ANO3: variants seen among roughly 807,000 people sequenced by gnomAD.
The protein encoded by ANO3 is anoctamin-3.
In ANO3, 99 loss-of-function variants were observed where a neutral mutation model predicts 144.8. The observed-to-expected ratio is 0.68, with a 90% CI of 0.58 to 0.81. The LOEUF is 0.81. Ranked by LOEUF, ANO3 falls within the 30% of genes least tolerant of loss-of-function variation. The probability of loss-of-function intolerance (pLI) is 0.00; values close to 1 mark genes in which losing one functional copy is unlikely to be tolerated. For missense variants in ANO3, 905 were observed against 1,202.2 expected (o/e 0.75, Z 3.66); for synonymous variants, 414 against 392.6 (o/e 1.05, Z -0.64).
intron 1 of ANO3, among the ~76,000 whole-genome samples, chr11:26,229,552 AC>A (rs1280782991): frequency 6.6e-6 from 1 of 152,004 alleles, no homozygotes; most frequent in Non-Finnish European, 1.5e-5. Flanking sequence ...TGGGAAGGCA[AC>A]CCCCTTTCAT....
intron 14 of ANO3, among the ~76,000 whole-genome samples, chr11:26,592,405 G>A (rs976172692): frequency 8.6e-5 from 13 of 151,900 alleles, no homozygotes; most frequent in East Asian, 5.8e-4. Flanking sequence ...TGAAAGCGGT[G>A]CCATTGACAC....
chr11:26,493,662 A>G (rs1222947929), intron 4 of ANO3, among the ~76,000 whole-genome samples: 1 of 152,214 alleles, frequency 6.6e-6, no homozygotes, highest in Non-Finnish European at 1.5e-5. Flanking sequence ...TGCAGCTCTT[A>G]CATGCTAGGA....
intron 3 of ANO3, among the ~76,000 whole-genome samples, chr11:26,449,487 T>TCA (rs765372417): frequency 1.8e-3 from 51 of 28,140 alleles, no homozygotes; most frequent in African/African-American, 3.7e-3. Flanking sequence ...TCTCTCTCTC[T>TCA]CACACACACA....
At chr11:26,562,843 AT>A (rs1232921468) in intron 14 of ANO3, among the ~76,000 whole-genome samples, 2 of 151,868 alleles carry the variant, frequency 1.3e-5, no homozygotes, top group Admixed American at 1.3e-4. Flanking sequence ...TTATCTTCCA[AT>A]TTTATACATA....
chr11:26,190,902 C>T (rs1408547123), intron 1 of ANO3, among the ~76,000 whole-genome samples: 3 of 152,178 alleles, frequency 2.0e-5, no homozygotes, highest in Non-Finnish European at 2.9e-5. Context: ...TTTTCTATGA[C>T]TTCTAAGTAA....
chr11:26,402,235 G>A (rs1404937110), intron 1 of ANO3, among the ~76,000 whole-genome samples: 2 of 151,998 alleles, frequency 1.3e-5, no homozygotes, highest in Admixed American at 6.6e-5. Flanking sequence ...CACAGTGGCT[G>A]AACTAATTTA....
intron 1 of ANO3, among the ~76,000 whole-genome samples, chr11:26,322,585 T>C (rs1314652569): frequency 6.6e-6 from 1 of 152,140 alleles, no homozygotes; most frequent in Non-Finnish European, 1.5e-5. Flanking sequence ...CATACTCCTC[T>C]AATAGTATTT....
chr11:26,218,925 G>C (rs1170265373), intron 1 of ANO3, among the ~76,000 whole-genome samples: 1 of 152,152 alleles, frequency 6.6e-6, no homozygotes, highest in Non-Finnish European at 1.5e-5. Flanking sequence ...GCCACAGGAT[G>C]AACAGTCATC....
intron 6 of ANO3, among the ~76,000 whole-genome samples, chr11:26,523,588 T>G (rs1862173385): frequency 6.6e-6 from 1 of 152,146 alleles, no homozygotes; most frequent in Admixed American, 6.5e-5. Context: ...TGGCAAGTTT[T>G]CTTAAGTTAA....
At chr11:26,333,358 T>G (rs1855108070) in intron 1 of ANO3, among the ~76,000 whole-genome samples, 1 of 151,622 alleles carries the variant, frequency 6.6e-6, no homozygotes, top group Non-Finnish European at 1.5e-5. Flanking sequence ...CTCGGCTCAC[T>G]GCAAGCTCTG....
chr11:26,644,815 T>TCACACA (rs71449132), intron 23 of ANO3, among the ~76,000 whole-genome samples: 35,991 of 145,040 alleles, frequency 0.25, 5,045 homozygotes, highest in South Asian at 0.37. Flanking sequence ...GGAATACTAA[T>TCACACA]CACACACACA....
At chr11:26,659,778 C>T (rs1471974612) in intron 26 of ANO3, among the ~76,000 whole-genome samples, 3 of 152,058 alleles carry the variant, frequency 2.0e-5, no homozygotes, top group Non-Finnish European at 4.4e-5. Flanking sequence ...TTTAAAGCAG[C>T]TATGATGATA....
intron 1 of ANO3, among the ~76,000 whole-genome samples, chr11:26,404,064 T>C (rs1008385808): frequency 3.9e-5 from 6 of 151,914 alleles, no homozygotes; most frequent in East Asian, 1.9e-4. Context: ...TTACATTGCA[T>C]GCATTTATTG....
chr11:26,252,669 T>A (rs936998888), intron 1 of ANO3, among the ~76,000 whole-genome samples: 1 of 152,186 alleles, frequency 6.6e-6, no homozygotes, highest in Non-Finnish European at 1.5e-5. Flanking sequence ...TCCCCCAACA[T>A]AAACTCCTAC....
chr11:26,290,144 C>T (rs146719723), intron 1 of ANO3, among the ~76,000 whole-genome samples: 3,214 of 151,808 alleles, frequency 0.021, 58 homozygotes, highest in East Asian at 0.12. Flanking sequence ...CTTGGGAGGG[C>T]GTATGTGTCC....
At chr11:26,451,423 A>G (rs1165427849) in intron 3 of ANO3, among the ~76,000 whole-genome samples, 1 of 152,216 alleles carries the variant, frequency 6.6e-6, no homozygotes, top group Non-Finnish European at 1.5e-5. Flanking sequence ...ACGGCACACC[A>G]GGAGATTAAA....
chr11:26,501,606 C>A (rs1861196321), intron 4 of ANO3, among the ~76,000 whole-genome samples: 1 of 152,038 alleles, frequency 6.6e-6, no homozygotes. Flanking sequence ...TTGTACAGAG[C>A]CATGCATGCT....
At chr11:26,567,549 G>T (rs866041111) in intron 14 of ANO3, among the ~76,000 whole-genome samples, 1 of 151,898 alleles carries the variant, frequency 6.6e-6, no homozygotes, top group Non-Finnish European at 1.5e-5. Flanking sequence ...GTGGTACAAC[G>T]TAAATATATC....
chr11:26,336,979 T>C (rs1294919251), intron 1 of ANO3, among the ~76,000 whole-genome samples: 1 of 152,212 alleles, frequency 6.6e-6, no homozygotes, highest in Non-Finnish European at 1.5e-5. Context: ...TTAGAAAGAA[T>C]TGGGAGTCTA....
Sources: gnomAD v4.1 joint callset for allele counts (sites outside exome capture counted in the v4.1 genomes callset) on GRCh38, gnomAD v4.1.1 for gene constraint, MANE v1.5 for transcripts, NCBI Gene and HGNC (gene_info 2026-07-23, HGNC 2026-07-21) for gene names.